WDR41: variants seen among roughly 807,000 people sequenced by gnomAD.
WDR41 encodes the protein WD repeat-containing protein 41.
Under a neutral mutation model 69.3 loss-of-function variants are expected in WDR41, and 63 were observed. The ratio of observed to expected loss-of-function variants is 0.91; its 90% CI spans 0.74 to 1.12. The LOEUF is 1.12. WDR41 is among the 50% of genes most tolerant of loss of function. The pLI is 0.00. For synonymous variants in WDR41, 185 were observed against 192.1 expected (o/e 0.96, Z 0.31); for missense variants, 543 against 534.5 (o/e 1.02, Z -0.16).
chr5:77,503,140 A>G (rs1802045512), intron 1 of WDR41, among the ~76,000 whole-genome samples: 1 of 149,136 alleles, frequency 6.7e-6, no homozygotes, highest in African/African-American at 2.5e-5. Flanking sequence ...AGAGACACAC[A>G]TAGGCTCAAA....
chr5:77,540,158 T>C (rs1335199050), intron 1 of WDR41, among the ~76,000 whole-genome samples: 11 of 152,170 alleles, frequency 7.2e-5, no homozygotes, highest in Admixed American at 7.2e-4. Flanking sequence ...CCCAGTACAC[T>C]GTAAAGCGAG....
At chr5:77,520,287 G>A (rs967434691) in intron 1 of WDR41, among the ~76,000 whole-genome samples, 8 of 152,260 alleles carry the variant, frequency 5.3e-5, no homozygotes, top group Non-Finnish European at 8.8e-5. Context: ...TTATTCTAAA[G>A]TCCAAATGAT....
At chr5:77,608,187 A>G (rs1045633821) in intron 1 of WDR41, among the ~76,000 whole-genome samples, 90 of 152,324 alleles carry the variant, frequency 5.9e-4, no homozygotes, top group African/African-American at 2.1e-3. Context: ...TCCTTTTGAG[A>G]TGACCTATTT....
At chr5:77,593,272 TG>T in intron 1 of WDR41, among the ~76,000 whole-genome samples, 1 of 152,256 alleles carries the variant, frequency 6.6e-6, no homozygotes, top group African/African-American at 2.4e-5. Context: ...AGAGGAATGT[TG>T]TATCTGAATT....
At chr5:77,603,659 C>G (rs1370280237) in intron 1 of WDR41, among the ~76,000 whole-genome samples, 1 of 152,160 alleles carries the variant, frequency 6.6e-6, no homozygotes, top group Non-Finnish European at 1.5e-5. Context: ...AGACCAATGT[C>G]TTGAGGTGTT....
At chr5:77,523,068 C>G (rs946452457) in intron 1 of WDR41, among the ~76,000 whole-genome samples, 3 of 152,124 alleles carry the variant, frequency 2.0e-5, no homozygotes, top group African/African-American at 7.2e-5. Flanking sequence ...AATCCCAACA[C>G]TTTGGGAGGC....
In WDR41 at chr5:77,594,676, C is replaced by G. The variant is rs185433662; in HGVS notation, c.42+25803G>C. 2.0e-5 allele frequency among the ~76,000 whole-genome samples: 3 copies of G among 152,230 alleles called. No homozygotes were observed. In the East Asian group the frequency reaches 5.8e-4, roughly 29 times the overall value. ...CAGGCTAGAAGTCTACTTCTAGAAACCAAACAGCCCAACCTTCTCCTTTCT... is the reference window on the plus strand; with the variant it reads ...CAGGCTAGAAGTCTACTTCTAGAAAGCAAACAGCCCAACCTTCTCCTTTCT... On this transcript the variant is annotated intron_variant, in intron 1 of 5. Transcript: ENST00000509971.
intron 1 of WDR41, among the ~76,000 whole-genome samples, chr5:77,556,468 C>T (rs2112249976): frequency 6.6e-6 from 1 of 152,116 alleles, no homozygotes; most frequent in Admixed American, 6.5e-5. Context: ...AGTGCAGTGG[C>T]ATGATGTCGG....
chr5:77,540,708 G>T (rs1429173791), intron 1 of WDR41, among the ~76,000 whole-genome samples: 1 of 76,922 alleles, frequency 1.3e-5, no homozygotes, highest in Non-Finnish European at 2.3e-5. Context: ...CCCTGTCAAA[G>T]AAAAGAAAAG....
intron 1 of WDR41, among the ~76,000 whole-genome samples, chr5:77,509,066 A>G (rs1484665314): frequency 6.6e-6 from 1 of 152,198 alleles, no homozygotes; most frequent in Non-Finnish European, 1.5e-5. Context: ...TTCTGTTCTC[A>G]GGAGAACTCT....
intron 1 of WDR41, among the ~76,000 whole-genome samples, chr5:77,592,630 G>A (rs1164404269): frequency 6.6e-6 from 1 of 152,142 alleles, no homozygotes; most frequent in Non-Finnish European, 1.5e-5. Context: ...GTGTCCAAGA[G>A]AAACCAGGAT....
chr5:77,525,368 G>A (rs1434543518), intron 1 of WDR41, among the ~76,000 whole-genome samples: 2 of 152,130 alleles, frequency 1.3e-5, no homozygotes, highest in East Asian at 3.8e-4. Context: ...ATGCCAGACT[G>A]TGTCCTAGGT....
At chr5:77,529,852 G>A (rs1338939476) in intron 1 of WDR41, among the ~76,000 whole-genome samples, 1 of 151,484 alleles carries the variant, frequency 6.6e-6, no homozygotes, top group Admixed American at 6.6e-5. Context: ...TTCTTTATAC[G>A]ATGTACCAAA....
intron 1 of WDR41, among the ~76,000 whole-genome samples, chr5:77,559,602 A>C (rs6453322): frequency 0.15 from 22,597 of 151,200 alleles, 2,564 homozygotes; most frequent in African/African-American, 0.3. Context: ...TACATAACAT[A>C]TCTATAATTT....
rs543649166 is a variant in WDR41, at chr5:77,611,148, T to G, written c.42+9331A>C. ...GCACCCAATACAGGAGCACCCAGAT[T>G]CATAAAGCAAGTCCTGAGTGACCTA... is the stretch of plus-strand genomic sequence containing the variant. On this transcript the variant is annotated intron_variant, in intron 1 of 5. Coordinates refer to the WDR41 transcript ENST00000509971. Among the ~76,000 whole-genome samples, 781 of 151,708 alleles carry G rather than the reference T, an allele frequency of 5.1e-3. 6 individuals are homozygous for G. The highest frequency in any genetic ancestry group is 6.3e-3 in the African/African-American group (263 of 41,430).
intron 2 of WDR41, among the ~76,000 whole-genome samples, chr5:77,482,814 GA>G (rs1801334799): frequency 7.1e-6 from 1 of 141,330 alleles, no homozygotes; most frequent in South Asian, 2.2e-4. Flanking sequence ...AGGCAACTGA[GA>G]AAATGCAGGC....
intron 2 of WDR41, among the ~76,000 whole-genome samples, chr5:77,485,319 TAAGA>T (rs1299188517): frequency 6.6e-6 from 1 of 152,240 alleles, no homozygotes; most frequent in Non-Finnish European, 1.5e-5. Flanking sequence ...GGTTAGTGTA[TAAGA>T]AAGAATATGT....
intron 2 of WDR41, among the ~76,000 whole-genome samples, chr5:77,487,177 C>T (rs1801561819): frequency 6.6e-6 from 1 of 152,180 alleles, no homozygotes; most frequent in African/African-American, 2.4e-5. Flanking sequence ...ACAACCTGAT[C>T]ACATACTGTG....
At chr5:77,442,445 T>C (rs1531614) in intron 8 of WDR41, among the ~76,000 whole-genome samples, 4,834 of 152,262 alleles carry the variant, frequency 0.032, 205 homozygotes, top group South Asian at 0.19. Context: ...TGTACACACA[T>C]ACATAGGCCC....
Sources: gnomAD v4.1 joint callset for allele counts (sites outside exome capture counted in the v4.1 genomes callset) on GRCh38, gnomAD v4.1.1 for gene constraint, MANE v1.5 for transcripts, NCBI Gene and HGNC (gene_info 2026-07-23, HGNC 2026-07-21) for gene names.